INTS9: variants seen among roughly 807,000 people sequenced by gnomAD.
The protein encoded by INTS9 is protein related to CPSF subunits of 74 kDa.
Under a neutral mutation model 79.7 loss-of-function variants are expected in INTS9, and 55 were observed. The observed-to-expected ratio is 0.69, with a 90% CI of 0.56 to 0.86. INTS9 has a LOEUF of 0.86. Among genes scored for constraint, INTS9 ranks in the 40% least tolerant of loss-of-function variants. The probability of loss-of-function intolerance (pLI) is 0.00; values close to 1 mark genes in which losing one functional copy is unlikely to be tolerated. For synonymous variants in INTS9, 319 were observed against 325.2 expected (o/e 0.98, Z 0.20); for missense variants, 721 against 831.5 (o/e 0.87, Z 1.64).
intron 3 of INTS9, among the ~76,000 whole-genome samples, chr8:28,848,829 C>CT (rs1807672643): frequency 6.6e-6 from 1 of 152,218 alleles, no homozygotes; most frequent in Admixed American, 6.5e-5. Flanking sequence ...CCACTCCCTT[C>CT]TAATGAAATA....
chr8:28,775,645 C>T (rs1000298458), intron 14 of INTS9, 114 bp downstream of exon 14: 36 of 1,162,044 alleles, frequency 3.1e-5, no homozygotes, highest in East Asian at 4.8e-5. Flanking sequence ...AGCTACTGCG[C>T]GCAGCCTGGT....
chr8:28,889,814 A>G lies in INTS9; in HGVS notation c.9+60T>C. The G allele has an allele frequency of 2.5e-6, 4 of 1,600,540 alleles. No individual in the cohort carries two copies. The South Asian group carries it at 4.5e-5, about 18-fold the overall frequency. ...CGATTCCCTGCCCAACGTAGGAAAA[A>G]AAGAGGTCCAAAAGGTTATAGCATC... On this transcript the variant is annotated intron_variant, in intron 1 of 16. Coordinates refer to ENST00000521022, the MANE Select transcript of INTS9 (RefSeq NM_018250.4).
At chr8:28,790,194 T>G (rs1413463783) in intron 10 of INTS9, among the ~76,000 whole-genome samples, 1 of 152,120 alleles carries the variant, frequency 6.6e-6, no homozygotes, top group African/African-American at 2.4e-5. Flanking sequence ...AGCCAGGCTG[T>G]GAAGCACCCG....
intron 8 of INTS9, among the ~76,000 whole-genome samples, chr8:28,804,019 A>G (rs939259493): frequency 6.6e-6 from 1 of 151,828 alleles, no homozygotes; most frequent in Non-Finnish European, 1.5e-5. Flanking sequence ...AACCTCCCTA[A>G]CTCAAGCGAT....
chr8:28,803,276 T>C (rs969628380), intron 8 of INTS9, among the ~76,000 whole-genome samples: 8 of 152,218 alleles, frequency 5.3e-5, no homozygotes, highest in Non-Finnish European at 1.5e-5. Context: ...GACTATTAAG[T>C]TGACTTTTCA....
intron 5 of INTS9, 100 bp downstream of exon 5, chr8:28,837,537 G>C (rs1220553084): frequency 2.3e-5 from 30 of 1,286,516 alleles, no homozygotes; most frequent in Non-Finnish European, 3.2e-5. Context: ...TTGTTCAGAA[G>C]GAACTAACCA....
At chr8:28,815,146 C>A (rs182483394) in intron 6 of INTS9, among the ~76,000 whole-genome samples, 1 of 151,636 alleles carries the variant, frequency 6.6e-6, no homozygotes, top group African/African-American at 2.4e-5. Flanking sequence ...TCCTTACTAT[C>A]GTTAGAAAAA....
intron 15 of INTS9, 127 bp from the exon 16 acceptor site, chr8:28,770,153 G>C: frequency 8.2e-7 from 1 of 1,217,030 alleles, no homozygotes; most frequent in Admixed American, 2.7e-5. Flanking sequence ...GGTTTCCTCA[G>C]CCGGCACTCG....
At chr8:28,860,846 T>C (rs1808424247) in intron 1 of INTS9, among the ~76,000 whole-genome samples, 1 of 152,222 alleles carries the variant, frequency 6.6e-6, no homozygotes, top group Non-Finnish European at 1.5e-5. Flanking sequence ...CCCAGCCCCA[T>C]ATGGCCTCAG....
intron 6 of INTS9, among the ~76,000 whole-genome samples, chr8:28,823,445 C>T (rs1232058961): frequency 1.3e-5 from 2 of 152,162 alleles, no homozygotes; most frequent in South Asian, 4.1e-4. Context: ...AGCCCAAGTC[C>T]CCTTCCCTTG....
intron 1 of INTS9, among the ~76,000 whole-genome samples, chr8:28,888,179 T>C (rs899814481): frequency 6.6e-6 from 1 of 152,164 alleles, no homozygotes; most frequent in Non-Finnish European, 1.5e-5. Context: ...CAGGAAGCTG[T>C]CCCCTGACCT....
intron 13 of INTS9, among the ~76,000 whole-genome samples, chr8:28,777,072 G>C (rs1237307020): frequency 6.6e-6 from 1 of 152,020 alleles, no homozygotes; most frequent in South Asian, 2.1e-4. Flanking sequence ...GGGGTTCTCC[G>C]GCTTTCTCTG....
chr8:28,844,147 C>T (rs73552980), intron 4 of INTS9, among the ~76,000 whole-genome samples: 13,033 of 152,176 alleles, frequency 0.086, 675 homozygotes, highest in East Asian at 0.26. Context: ...CAGTTTTATG[C>T]CTATGATTAA....
intron 12 of INTS9, 36 bp from the exon 13 acceptor site, chr8:28,777,989 G>C: frequency 1.3e-6 from 2 of 1,567,420 alleles, no homozygotes; most frequent in African/African-American, 1.4e-5. Flanking sequence ...TTACAATGCA[G>C]ACTACACAGG....
At chr8:28,853,424 AAAAG>A (rs1454145531) in intron 2 of INTS9, among the ~76,000 whole-genome samples, 1 of 151,878 alleles carries the variant, frequency 6.6e-6, no homozygotes, top group Non-Finnish European at 1.5e-5. Flanking sequence ...AAAAAAAAAA[AAAAG>A]AAAGAAACAA....
At chr8:28,792,558 A>C (rs553903175) in intron 10 of INTS9, among the ~76,000 whole-genome samples, 32 of 151,998 alleles carry the variant, frequency 2.1e-4, no homozygotes, top group Middle Eastern at 6.9e-3. Flanking sequence ...AAAACAAAAA[A>C]AAAAATTTGT....
intron 6 of INTS9, among the ~76,000 whole-genome samples, chr8:28,822,516 C>G (rs1330096131): frequency 6.6e-6 from 1 of 152,060 alleles, no homozygotes; most frequent in Non-Finnish European, 1.5e-5. Context: ...TGGGCCAGAT[C>G]TGGCCCAAAA....
chr8:28,796,356 C>G (rs1258191860), intron 9 of INTS9, among the ~76,000 whole-genome samples, 188 bp downstream of exon 9: 1 of 152,178 alleles, frequency 6.6e-6, no homozygotes, highest in Non-Finnish European at 1.5e-5. Flanking sequence ...TTCACTGTAT[C>G]GCTGCTGTGA....
At chr8:28,813,896 G>T (rs1442924436) in intron 6 of INTS9, among the ~76,000 whole-genome samples, 1 of 151,872 alleles carries the variant, frequency 6.6e-6, no homozygotes, top group Non-Finnish European at 1.5e-5. Flanking sequence ...AAGTAGCTGG[G>T]ATTACAGGCG....
Sources: allele counts gnomAD v4.1 joint callset (sites outside exome capture counted in the v4.1 genomes callset), GRCh38; gene constraint gnomAD v4.1.1; transcripts MANE v1.5; gene names NCBI Gene and HGNC (gene_info 2026-07-23, HGNC 2026-07-21).